The following USP49 variants were observed in gnomAD, a reference collection of about 807,000 sequenced individuals.
USP49 encodes ubiquitin specific peptidase 49, also known as ubiquitin carboxyl-terminal hydrolase 49.
Under a neutral mutation model 58.6 loss-of-function variants are expected in USP49, and 24 were observed. That is an observed-to-expected ratio of 0.41 (90% CI 0.30 to 0.58). USP49 has a LOEUF of 0.58. USP49 is among the 20% of genes least tolerant of loss of function. USP49 has a pLI of 0.30. For missense variants in USP49, 703 were observed against 866.1 expected, an observed-to-expected ratio of 0.81 and a Z score of 2.36; for synonymous variants, 408 against 365.1, an observed-to-expected ratio of 1.12 and a Z score of -1.34.
chr6:41,790,083 T>C lies in USP49; in HGVS notation c.*6450A>G, dbSNP rs1772769135. ...AAAAAAAAAAAGGAAGCTGTAACCA[T>C]ACATTGATGTTAACCTAGCATGAAG... On this transcript the variant is annotated 3_prime_UTR_variant, in exon 8 of 8. Transcript: ENST00000682992. 1.3e-5 allele frequency: 2 copies of C among 151,962 alleles called. No individual in the cohort carries two copies. The highest frequency in any genetic ancestry group is 4.8e-5 in the African/African-American group (2 of 41,382). 9.4% of individuals were successfully genotyped at this position (151,962 alleles called of 1,614,324 possible). A position where few individuals can be genotyped will look rare whatever the true frequency, so the allele number is the denominator to read the frequency against.
intron 3 of USP49, among the ~76,000 whole-genome samples, chr6:41,823,657 A>G (rs575215865): frequency 1.3e-5 from 2 of 152,232 alleles, no homozygotes; most frequent in East Asian, 3.9e-4. Flanking sequence ...CTTCTTCCCC[A>G]GGGGCCACCA....
At chr6:41,852,669 C>T (rs541681356) in intron 3 of USP49, among the ~76,000 whole-genome samples, 4 of 152,190 alleles carry the variant, frequency 2.6e-5, no homozygotes, top group East Asian at 1.9e-4. Context: ...TATACAGATT[C>T]GATGCAAGCC....
intron 2 of USP49, among the ~76,000 whole-genome samples, chr6:41,871,863 G>C (rs370736412): frequency 1.3e-5 from 2 of 152,160 alleles, no homozygotes; most frequent in South Asian, 4.2e-4. Context: ...TCTACAAATG[G>C]AAGTATTAAA....
rs6938966 is a variant in USP49 at position 41,793,252 on chromosome 6, T to G, written c.*3281A>C. On this transcript the variant is annotated 3_prime_UTR_variant, in exon 8 of 8. Coordinates refer to ENST00000682992, the MANE Select transcript of USP49 (RefSeq NM_001286554.2). ...GAGACATCTGGAAATTCTTTTTTTT[T>G]TTTTGTTTTTGTTTTTGTTTTTTTT... The G allele has an allele frequency of 0.7, 108,706 of 154,366 alleles. 38,855 individuals are homozygous for G. Among genetic ancestry groups the G allele is most frequent in the East Asian group, 0.79 (4,174 of 5,262 alleles). 9.6% of individuals were successfully genotyped at this position (154,366 alleles called of 1,614,324 possible).
At chr6:41,845,592 C>T (rs1773908707) in intron 3 of USP49, among the ~76,000 whole-genome samples, 1 of 151,770 alleles carries the variant, frequency 6.6e-6, no homozygotes, top group Non-Finnish European at 1.5e-5. Context: ...GAGGCAGAGT[C>T]AGGAGGCTCA....
At chr6:41,865,926 T>C (rs1342941938) in intron 3 of USP49, among the ~76,000 whole-genome samples, 1 of 137,718 alleles carries the variant, frequency 7.3e-6, no homozygotes. Flanking sequence ...CTTTTTTTTT[T>C]TTTTTTTTTT....
At position 41,829,346 on chromosome 6, in the gene USP49, C is replaced by T. The variant is rs189371020; in HGVS notation, c.-28-22335G>A. 3.7e-3 allele frequency among the ~76,000 whole-genome samples: 554 copies of T among 150,770 alleles called. 2 individuals carry two copies. Among genetic ancestry groups the T allele is most frequent in the African/African-American group, 0.013 (533 of 41,032 alleles). Reference sequence around the variant, plus strand: ...TTTTTTTTTTTAAGATGGTGTTTCGCGCTTGTTGCCCAGGCTGGAGTGCAA... The same window carrying T: ...TTTTTTTTTTTAAGATGGTGTTTCGTGCTTGTTGCCCAGGCTGGAGTGCAA... On this transcript the variant is annotated intron_variant, in intron 3 of 7. Coordinates refer to ENST00000682992, the MANE Select transcript of USP49 (RefSeq NM_001286554.2).
Position 41,806,770 on chromosome 6 carries a change from G to A in USP49, c.214C>T (p.Leu72Phe). 6.2e-7 allele frequency: 1 copy of A among 1,614,238 alleles called. No homozygotes were observed. Among genetic ancestry groups the A allele is most frequent in the East Asian group, 2.2e-5 (1 of 44,884 alleles). ...GHPLAMEVRD[L>F]YVFCYLCKDY... ...TTGCACAGGTAACAGAACACGTAGA[G>A]ATCCCGGACTTCCATGGCTAGCGGG... is the stretch of plus-strand genomic sequence containing the variant. The change falls in exon 4 of 8, where the codon CTC (leucine) becomes TTC (phenylalanine). Residue 72 changes from leucine to phenylalanine, a missense_variant. Physicochemically the swap from Leu to Phe is conservative, Grantham distance 22. Transcript: ENST00000682992. The surrounding 1 kb of genome is among the most constrained non-coding windows in gnomAD (Gnocchi z 5.9).
At position 41,794,803 on chromosome 6, in the gene USP49, A is replaced by C. The variant is rs1187929271; in HGVS notation, c.*1730T>G. Reference sequence around the variant, plus strand: ...TCCAAATAAAAGCTAAATATTACAGAAACCTCACAGTGTTGGAAAAAGCAA... The same window carrying C: ...TCCAAATAAAAGCTAAATATTACAGCAACCTCACAGTGTTGGAAAAAGCAA... On this transcript the variant is annotated 3_prime_UTR_variant, in exon 8 of 8. Coordinates refer to ENST00000682992, the MANE Select transcript of USP49 (RefSeq NM_001286554.2). 1 of 152,220 alleles carries C rather than the reference A, an allele frequency of 6.6e-6. No homozygotes were observed. Among genetic ancestry groups the C allele is most frequent in the Non-Finnish European group, 1.5e-5 (1 of 68,038 alleles). 9.4% of individuals were successfully genotyped at this position (152,220 alleles called of 1,614,324 possible).
intron 4 of USP49, among the ~76,000 whole-genome samples, chr6:41,804,979 C>G (rs1220215491): frequency 1.3e-5 from 2 of 152,218 alleles, no homozygotes; most frequent in Admixed American, 6.5e-5. Flanking sequence ...AACTCCTGAC[C>G]TCAGGTGATC....
At chr6:41,808,989 C>G (rs1201683163) in intron 3 of USP49, among the ~76,000 whole-genome samples, 1 of 151,996 alleles carries the variant, frequency 6.6e-6, no homozygotes, top group East Asian at 2.0e-4. Context: ...TCTTGGCTCA[C>G]TGCAGCCACC....
chr6:41,836,484 C>T (rs1286357763), intron 3 of USP49, among the ~76,000 whole-genome samples: 2 of 152,100 alleles, frequency 1.3e-5, no homozygotes, highest in Non-Finnish European at 2.9e-5. Context: ...CTCACTCTCA[C>T]GGCTCCTACT....
intron 3 of USP49, among the ~76,000 whole-genome samples, chr6:41,807,929 C>T (rs936784087): frequency 7.3e-5 from 11 of 151,572 alleles, no homozygotes; most frequent in Admixed American, 2.6e-4. Flanking sequence ...GCGCGCACCA[C>T]CACACCCGGC....
chr6:41,863,781 T>C (rs1289802044), intron 3 of USP49, among the ~76,000 whole-genome samples: 1 of 152,142 alleles, frequency 6.6e-6, no homozygotes, highest in Non-Finnish European at 1.5e-5. Flanking sequence ...ATTTATTTAT[T>C]TTTGATTCAC....
chr6:41,829,008 G>A lies in USP49; in HGVS notation c.-28-21997C>T, dbSNP rs145649929. Reference sequence around the variant, plus strand: ...CTGTTTATCCAGGTCTTTTGATTATGTTTTCTCCCCAAGATATATATTTCT... The same window carrying A: ...CTGTTTATCCAGGTCTTTTGATTATATTTTCTCCCCAAGATATATATTTCT... On this transcript the variant is annotated intron_variant, in intron 3 of 7. Transcript: ENST00000682992. Among the ~76,000 whole-genome samples the A allele has an allele frequency of 1.1e-3, 173 of 152,206 alleles. 1 individual carries two copies. The highest frequency in any genetic ancestry group is 4.0e-3 in the African/African-American group (167 of 41,536).
chr6:41,888,642 G>A (rs768507638), intron 2 of USP49, among the ~76,000 whole-genome samples: 11 of 151,028 alleles, frequency 7.3e-5, no homozygotes, highest in Non-Finnish European at 1.2e-4. Flanking sequence ...TAGTAGAGAC[G>A]GGGTTTCTCC....
intron 3 of USP49, among the ~76,000 whole-genome samples, chr6:41,849,552 A>T (rs1197687723): frequency 6.6e-6 from 1 of 152,174 alleles, no homozygotes; most frequent in Admixed American, 6.5e-5. Context: ...TAGGCCACAA[A>T]ACAAATCTTA....
At chr6:41,815,070 T>C (rs1773324193) in intron 3 of USP49, among the ~76,000 whole-genome samples, 1 of 152,114 alleles carries the variant, frequency 6.6e-6, no homozygotes, top group Admixed American at 6.5e-5. Context: ...AAACATAATC[T>C]AATATCAATA....
At chr6:41,822,947 A>G (rs1352512668) in intron 3 of USP49, among the ~76,000 whole-genome samples, 3 of 152,220 alleles carry the variant, frequency 2.0e-5, no homozygotes, top group Admixed American at 6.5e-5. Context: ...GGAAGCTACA[A>G]AGAGATCATT....
Sources: gnomAD v4.1 joint callset for allele counts (sites outside exome capture counted in the v4.1 genomes callset) on GRCh38, gnomAD v4.1.1 for gene constraint, Gnocchi (gnomAD v3.1) non-coding constraint, MANE v1.5 for transcripts, NCBI Gene and HGNC (gene_info 2026-07-23, HGNC 2026-07-21) for gene names.